Variants in GPATCH8 observed in about 807,000 individuals in gnomAD.
GPATCH8 encodes the protein G-patch domain containing 8, also known as G patch domain-containing protein 8.
A neutral mutation model predicts 118.3 loss-of-function variants in GPATCH8; 18 were observed. The observed-to-expected ratio is 0.15, with a 90% CI of 0.11 to 0.23. GPATCH8 has a LOEUF of 0.23. Among genes scored for constraint, GPATCH8 ranks in the 10% least tolerant of loss-of-function variants. The probability of loss-of-function intolerance (pLI) is 1.00; values close to 1 mark genes in which losing one functional copy is unlikely to be tolerated. For missense variants in GPATCH8, 1,631 were observed against 1,873.8 expected (o/e 0.87, Z 2.39); for synonymous variants, 659 against 684.7 (o/e 0.96, Z 0.59).
At chr17:44,456,461 C>G (rs149522802) in intron 3 of GPATCH8, among the ~76,000 whole-genome samples, 4 of 152,142 alleles carry the variant, frequency 2.6e-5, no homozygotes, top group African/African-American at 4.8e-5. Context: ...AACAATAAAG[C>G]CTAAATTGTA....
intron 3 of GPATCH8, among the ~76,000 whole-genome samples, chr17:44,458,698 T>A (rs534051578): frequency 1.2e-3 from 188 of 152,230 alleles, no homozygotes; most frequent in African/African-American, 4.2e-3. Context: ...ATCTATTTTT[T>A]AAAATTTTTT....
Position 44,400,496 on chromosome 17 carries a change from T to C in GPATCH8, c.1581A>G (p.Gln527=), listed in dbSNP as rs747647271. 47 of 1,614,086 alleles carry C rather than the reference T, an allele frequency of 2.9e-5. No individual in the cohort carries two copies. The Middle Eastern group carries it at 4.9e-4, about 17-fold the overall frequency. Residue 527 remains glutamine (Q), a synonymous_variant, in exon 8 of 8, where the codon CAA becomes CAG. Transcript: ENST00000591680. ...SLATPAGKES[Q]EGPKHPTGPF... is the part of the protein sequence containing the mutation. ...GACCAGTAGGATGTTTGGGTCCTTC[T>C]TGGCTTTCTTTCCCTGCTGGGGTGG...
At position 44,479,951 on chromosome 17, in the gene GPATCH8, G is replaced by C. The variant is rs1158889160; in HGVS notation, c.46-5048C>G. 2.1e-5 allele frequency among the ~76,000 whole-genome samples: 3 copies of C among 140,202 alleles called. No homozygotes were observed. The East Asian group carries it at 6.2e-4, about 29-fold the overall frequency. The allele number at this position is 140,202 out of a possible 152,430, so 92.0% of individuals were successfully genotyped here. A position where few individuals can be genotyped will look rare whatever the true frequency, so the allele number is the denominator to read the frequency against. On this transcript the variant is annotated intron_variant, in intron 1 of 7. Transcript: ENST00000591680. ...CACTGCACTCCAGCTTGGCGACAGA[G>C]CAAGACTCCGTCTCAAAAAAAAAAA...
chr17:44,410,517 C>A (rs1487786468), intron 6 of GPATCH8, among the ~76,000 whole-genome samples: 2 of 152,158 alleles, frequency 1.3e-5, no homozygotes, highest in Admixed American at 6.5e-5. Flanking sequence ...GTCCTTATCT[C>A]TGAAAATTAT....
At chr17:44,446,383 G>C (rs554106497) in intron 3 of GPATCH8, among the ~76,000 whole-genome samples, 19 of 152,190 alleles carry the variant, frequency 1.2e-4, no homozygotes, top group Admixed American at 2.6e-4. Flanking sequence ...TGGCTAACAC[G>C]GCGAAACCCA....
chr17:44,467,459 T>C (rs1213349553), intron 2 of GPATCH8, among the ~76,000 whole-genome samples: 2 of 152,208 alleles, frequency 1.3e-5, no homozygotes, highest in East Asian at 1.9e-4. Context: ...GGCATTTCTC[T>C]TCTAAAACTT....
chr17:44,452,273 AAAAAAAAAAAAAAAAAG>A (rs1261513708), intron 3 of GPATCH8, among the ~76,000 whole-genome samples: 18 of 113,118 alleles, frequency 1.6e-4, no homozygotes, highest in Admixed American at 1.4e-3. Flanking sequence ...ACTCCGTCTC[AAAAAAAAAAAAAAAAAG>A]AAAAAAAAAA....
intron 3 of GPATCH8, among the ~76,000 whole-genome samples, chr17:44,454,575 C>T (rs867357994): frequency 6.6e-6 from 1 of 152,180 alleles, no homozygotes; most frequent in African/African-American, 2.4e-5. Flanking sequence ...TCCTCTCCTG[C>T]AATCCCTTTC....
chr17:44,489,433 T>A (rs903366620), intron 1 of GPATCH8, among the ~76,000 whole-genome samples: 1 of 150,890 alleles, frequency 6.6e-6, no homozygotes, highest in Non-Finnish European at 1.5e-5. Context: ...CTACCCCTCC[T>A]GGGTTCAAGC....
At position 44,398,751 on chromosome 17, in the gene GPATCH8, C is replaced by T; in HGVS notation, c.3326G>A (p.Ser1109Asn). The T allele has an allele frequency of 6.2e-7, 1 of 1,613,554 alleles. No homozygotes were observed. The highest frequency in any genetic ancestry group is 8.5e-7 in the Non-Finnish European group (1 of 1,179,504). The change falls in exon 8 of 8, where the codon AGT becomes AAT. Residue 1109 changes from serine (S) to asparagine (N), a missense_variant. By Grantham distance (46) the Ser-to-Asn change is conservative. This residue lies in a region of GPATCH8 where 922 missense variants were observed against 879.7 expected (regional missense o/e 1.05). Transcript: ENST00000591680. ...SRKVERKPSV[S>N]EEVQATPNKA... ...ATTAGGGGTGGCCTGCACCTCCTCA[C>T]TCACACTAGGTTTCCTCTCCACTTT...
At chr17:44,443,115 T>A (rs34719962) in intron 3 of GPATCH8, among the ~76,000 whole-genome samples, 4,845 of 152,148 alleles carry the variant, frequency 0.032, 158 homozygotes, top group East Asian at 0.16. Context: ...ATTAAACTGA[T>A]AAAGGCCAAG....
chr17:44,497,129 G>C (rs1370976857), intron 1 of GPATCH8, among the ~76,000 whole-genome samples: 1 of 152,152 alleles, frequency 6.6e-6, no homozygotes, highest in Non-Finnish European at 1.5e-5. Flanking sequence ...TTGTTTCAGG[G>C]AAGGAATTTT....
At chr17:44,492,872 T>C (rs1969365247) in intron 1 of GPATCH8, among the ~76,000 whole-genome samples, 1 of 152,124 alleles carries the variant, frequency 6.6e-6, no homozygotes, top group Admixed American at 6.6e-5. Context: ...AAATGGAATT[T>C]TGTCTTGTTT....
intron 1 of GPATCH8, among the ~76,000 whole-genome samples, chr17:44,490,333 A>G (rs911539257): frequency 6.6e-6 from 1 of 152,120 alleles, no homozygotes; most frequent in Non-Finnish European, 1.5e-5. Context: ...AAGAAAAAAC[A>G]AAAGATGCTA....
intron 6 of GPATCH8, among the ~76,000 whole-genome samples, chr17:44,409,707 G>A (rs974352743): frequency 6.6e-6 from 1 of 152,110 alleles, no homozygotes; most frequent in Non-Finnish European, 1.5e-5. Context: ...TTAAAAAACA[G>A]GGCTATCTAT....
Position 44,400,582 on chromosome 17 carries a change from T to C in GPATCH8, c.1495A>G (p.Ser499Gly). 1 of 1,614,162 alleles carries C rather than the reference T, an allele frequency of 6.2e-7. No homozygotes were observed. The highest frequency in any genetic ancestry group is 8.5e-7 in the Non-Finnish European group (1 of 1,179,976). The stretch of plus-strand genomic sequence containing the variant: ...ATTTGGGTCTCTGAAACCTTCTGAC[T>C]ATGACTTTCTAAACTCTGATCACTT... ...DVSDQSLESHSQKVSETQMCE... is the reference protein window; with the variant it reads ...DVSDQSLESHGQKVSETQMCE... Residue 499 changes from serine to glycine, a missense_variant, in exon 8 of 8, where the codon AGT becomes GGT. Around this residue, in one of 8 missense-constraint regions of GPATCH8, gnomAD observed 405 missense variants for 462.7 expected, o/e 0.88. Transcript: ENST00000591680.
chr17:44,398,871 T>C lies in GPATCH8; in HGVS notation c.3206A>G (p.Asn1069Ser), dbSNP rs1461327321. The C allele has an allele frequency of 1.9e-6, 3 of 1,614,048 alleles. No homozygotes were observed. The highest frequency in any genetic ancestry group is 2.7e-5 in the African/African-American group (2 of 75,038). The stretch of plus-strand genomic sequence containing the variant: ...TTCTGACCCTCTTCCTGTGCCAATG[T>C]TGCTGTTCTGGGAAGGTGGACCTGT... ...KATGPPSQNSNIGTGRGSEGD... is the reference protein window; with the variant it reads ...KATGPPSQNSSIGTGRGSEGD... The change falls in exon 8 of 8, where the codon AAC (asparagine) becomes AGC (serine). Residue 1069 changes from asparagine (N) to serine (S), a missense_variant. By Grantham distance (46) the Asn-to-Ser change is conservative. Coordinates refer to ENST00000591680, the MANE Select transcript of GPATCH8 (RefSeq NM_001002909.4).
At chr17:44,447,987 C>T (rs2050950191) in intron 3 of GPATCH8, among the ~76,000 whole-genome samples, 1 of 151,984 alleles carries the variant, frequency 6.6e-6, no homozygotes, top group African/African-American at 2.4e-5. Context: ...TCTGTTGCCC[C>T]AGCTGGAGTA....
At chr17:44,495,463 C>G (rs1281617679) in intron 1 of GPATCH8, among the ~76,000 whole-genome samples, 1 of 152,148 alleles carries the variant, frequency 6.6e-6, no homozygotes, top group Non-Finnish European at 1.5e-5. Flanking sequence ...GATAATCATG[C>G]TGGTCTTATG....
Sources: allele counts gnomAD v4.1 joint callset (sites outside exome capture counted in the v4.1 genomes callset), GRCh38; gene constraint gnomAD v4.1.1; regional missense constraint gnomAD v4.1.1; transcripts MANE v1.5; gene names NCBI Gene and HGNC (gene_info 2026-07-23, HGNC 2026-07-21).